POLR1C: variants seen among roughly 807,000 people sequenced by gnomAD.
The protein encoded by POLR1C is DNA-directed RNA polymerases I and III subunit RPAC1.
Under a neutral mutation model 38.3 loss-of-function variants are expected in POLR1C, and 42 were observed. The ratio of observed to expected loss-of-function variants is 1.10; its 90% CI spans 0.86 to 1.42. The LOEUF (loss-of-function observed/expected upper bound fraction) is 1.42. Among genes scored for constraint, POLR1C ranks in the 40% most tolerant of loss-of-function variants. The pLI is 0.00. For synonymous variants in POLR1C, 163 were observed against 163.9 expected (o/e 0.99, Z 0.04); for missense variants, 507 against 450.5 (o/e 1.13, Z -1.14).
intron 10 of POLR1C, chr6:43,556,127 G>A: frequency 3.3e-6 from 3 of 908,256 alleles, no homozygotes; most frequent in South Asian, 2.2e-5. Context: ...CTTTATTAAC[G>A]AATCCAGAAG....
At chr6:43,537,804 C>T (rs3204712) in intron 9 of POLR1C, among the ~76,000 whole-genome samples, 1 of 152,026 alleles carries the variant, frequency 6.6e-6, no homozygotes, top group African/African-American at 2.4e-5. Context: ...TGGTAGCTCA[C>T]GGCTGTAATC....
intron 9 of POLR1C, chr6:43,539,295 C>T (rs1388810665): frequency 1.6e-5 from 24 of 1,541,314 alleles, no homozygotes; most frequent in African/African-American, 1.1e-4. Flanking sequence ...CCCAGACCGA[C>T]GTGGCCACTG....
rs886875201 is a variant in POLR1C, at chr6:43,554,280, A to AT, written c.*48+3281dup. 2.8e-3 allele frequency among the ~76,000 whole-genome samples: 397 copies of AT among 142,022 alleles called. 2 individuals are homozygous for AT. The highest frequency in any genetic ancestry group is 7.4e-3 in the African/African-American group (287 of 38,790). The allele number at this position is 142,022 out of a possible 152,430, so 93.2% of individuals were successfully genotyped here. Reference sequence around the variant, plus strand: ...GCCACCATGCCCGGCTAATTTTTGTATTTTTTTTTTTTAGTAGAGACGAGG... The same window carrying AT: ...GCCACCATGCCCGGCTAATTTTTGTATTTTTTTTTTTTTAGTAGAGACGAGG... On this transcript the variant is annotated intron_variant, in intron 10 of 10. Transcript: ENST00000607635.
intron 2 of POLR1C, among the ~76,000 whole-genome samples, chr6:43,517,727 A>G (rs1314340089): frequency 2.0e-5 from 3 of 152,274 alleles, no homozygotes; most frequent in East Asian, 3.9e-4. Context: ...GTACATCTCA[A>G]TTGAGCCTTG....
At chr6:43,530,769 C>G, downstream of POLR1C, 1 of 1,613,894 alleles carries the variant, frequency 6.2e-7, no homozygotes, top group Non-Finnish European at 8.5e-7. Flanking sequence ...GCAAGGTCCT[C>G]CACAGTATAG....
chr6:43,543,924 G>A (rs75883086), intron 9 of POLR1C, among the ~76,000 whole-genome samples: 5,541 of 152,154 alleles, frequency 0.036, 350 homozygotes, highest in African/African-American at 0.13. Context: ...TGATCCATGC[G>A]CCTTGGCCTC....
chr6:43,528,727 C>G, intron 8 of POLR1C: 1 of 1,133,662 alleles, frequency 8.8e-7, no homozygotes, highest in Non-Finnish European at 1.3e-6. Flanking sequence ...TCTGGCAGGG[C>G]TAGTAGACAA....
chr6:43,524,517 T>G, downstream of POLR1C: 1 of 1,613,958 alleles, frequency 6.2e-7, no homozygotes, highest in Non-Finnish European at 8.5e-7. Context: ...CTTTCGGCGC[T>G]TGTCAGCCAC....
At chr6:43,540,024 A>G (rs992745120) in intron 9 of POLR1C, among the ~76,000 whole-genome samples, 1 of 152,236 alleles carries the variant, frequency 6.6e-6, no homozygotes, top group Non-Finnish European at 1.5e-5. Context: ...GGAGGCCAAG[A>G]TGGGCGGATC....
downstream of POLR1C, chr6:43,524,688 T>A (rs1305304566): frequency 3.8e-6 from 6 of 1,593,884 alleles, no homozygotes; most frequent in Non-Finnish European, 5.1e-6. Flanking sequence ...ATTGCCACCC[T>A]CCCCATTTCC....
intron 10 of POLR1C, chr6:43,556,187 T>C (rs756566566): frequency 1.7e-5 from 8 of 482,548 alleles, no homozygotes; most frequent in Admixed American, 3.7e-5. Context: ...CTAGATCCTG[T>C]AAGTGGCAAA....
intron 8 of POLR1C, chr6:43,526,717 T>G: frequency 6.2e-7 from 1 of 1,613,922 alleles, no homozygotes; most frequent in South Asian, 1.1e-5. Context: ...ACTACTGTGG[T>G]CAGCACCCTT....
intron 9 of POLR1C, chr6:43,550,894 T>C (rs1795194585): frequency 6.5e-6 from 1 of 154,226 alleles, no homozygotes; most frequent in Non-Finnish European, 1.4e-5. Flanking sequence ...CACACTCTAA[T>C]ACTCTCCTTT....
At chr6:43,528,820 T>C in intron 8 of POLR1C, 2 of 1,612,944 alleles carry the variant, frequency 1.2e-6, no homozygotes, top group Non-Finnish European at 1.7e-6. Context: ...TCCTGACTTA[T>C]CTCTTACCAT....
chr6:43,520,497 C>CT, intron 6 of POLR1C, 70 bp downstream of exon 6: 1 of 1,600,334 alleles, frequency 6.2e-7, no homozygotes, highest in Non-Finnish European at 8.6e-7. Flanking sequence ...GACTAGGGAA[C>CT]TCAGCTGAGA....
At chr6:43,533,983 T>C, downstream of POLR1C, 1 of 1,604,844 alleles carries the variant, frequency 6.2e-7, no homozygotes, top group Non-Finnish European at 8.5e-7. Context: ...CTAGCATTTC[T>C]GGTGCATATA....
At chr6:43,529,376 A>C in exon 9 of POLR1C, 2 of 235,244 alleles carry the variant, frequency 8.5e-6, no homozygotes, top group Admixed American at 5.7e-5. Context: ...CCCCGTCTCT[A>C]CTAAAAAAAA....
chr6:43,557,617 G>C (rs113061002), intron 10 of POLR1C, among the ~76,000 whole-genome samples: 2,804 of 152,072 alleles, frequency 0.018, 35 homozygotes, highest in South Asian at 0.039. Flanking sequence ...GGAATTGGGG[G>C]ATGACTCCTA....
intron 9 of POLR1C, among the ~76,000 whole-genome samples, chr6:43,548,986 A>G (rs1453981958): frequency 1.3e-5 from 2 of 152,222 alleles, no homozygotes; most frequent in Non-Finnish European, 2.9e-5. Flanking sequence ...AACTATTTGT[A>G]TTTTGAAGAG....
Sources: gnomAD v4.1 joint callset for allele counts (sites outside exome capture counted in the v4.1 genomes callset) on GRCh38, gnomAD v4.1.1 for gene constraint, MANE v1.5 for transcripts, NCBI Gene and HGNC (gene_info 2026-07-23, HGNC 2026-07-21) for gene names.